The following CTNNA2 variants were observed in gnomAD, a reference collection of about 807,000 sequenced individuals.
CTNNA2 encodes catenin alpha 2.
In CTNNA2, 42 loss-of-function variants were observed where a neutral mutation model predicts 101.0. The ratio of observed to expected loss-of-function variants is 0.42; its 90% CI spans 0.32 to 0.54. The LOEUF is 0.54. Ranked by LOEUF, CTNNA2 falls within the 20% of genes least tolerant of loss-of-function variation. The pLI is 0.14. For synonymous variants in CTNNA2, 450 were observed against 456.4 expected (o/e 0.99, Z 0.18); for missense variants, 871 against 1,223.1 (o/e 0.71, Z 4.29).
chr2:79,881,074 C>T (rs1409175574), intron 6 of CTNNA2, among the ~76,000 whole-genome samples: 1 of 152,096 alleles, frequency 6.6e-6, no homozygotes, highest in African/African-American at 2.4e-5. Flanking sequence ...ATTATTTACC[C>T]AGGAGTCACT....
chr2:79,195,444 C>G (rs946077920), intron 1 of CTNNA2, among the ~76,000 whole-genome samples: 2 of 152,174 alleles, frequency 1.3e-5, no homozygotes, highest in African/African-American at 2.4e-5. Context: ...AAGCTTGTCT[C>G]TGGTAGTCTT....
In CTNNA2 at chr2:79,200,323, G is replaced by A. The variant is rs148559869; in HGVS notation, c.-406+2247G>A. 6.0e-3 allele frequency among the ~76,000 whole-genome samples: 908 copies of A among 151,740 alleles called. 4 individuals are homozygous for A. The highest frequency in any genetic ancestry group is 0.021 in the African/African-American group (864 of 41,304). ...CGCTTGAACCTGGAAGGAAGAGGTTGCAGTGAGCCGAGATTGCGCCACTGC... is the reference window on the plus strand; with the variant it reads ...CGCTTGAACCTGGAAGGAAGAGGTTACAGTGAGCCGAGATTGCGCCACTGC... On this transcript the variant is annotated intron_variant, in intron 2 of 21. Coordinates refer to the CTNNA2 transcript ENST00000466387.
chr2:79,325,687 C>T (rs1009830233), intron 3 of CTNNA2, among the ~76,000 whole-genome samples: 5 of 152,182 alleles, frequency 3.3e-5, no homozygotes, highest in African/African-American at 7.2e-5. Context: ...AGCAGCATCA[C>T]CTTCTCCATC....
chr2:79,269,892 T>C (rs995956007), intron 2 of CTNNA2, among the ~76,000 whole-genome samples: 3 of 152,160 alleles, frequency 2.0e-5, no homozygotes, highest in Admixed American at 6.5e-5. Flanking sequence ...TGAAATGCTG[T>C]CAGAGAGATA....
At chr2:80,434,569 C>T (rs1190185296) in intron 9 of CTNNA2, among the ~76,000 whole-genome samples, 2 of 140,734 alleles carry the variant, frequency 1.4e-5, no homozygotes, top group Admixed American at 7.6e-5. Flanking sequence ...GATCATGGCT[C>T]ACTGCAGCAT....
intron 7 of CTNNA2, among the ~76,000 whole-genome samples, chr2:80,050,641 C>A (rs574920643): frequency 6.6e-6 from 1 of 152,250 alleles, no homozygotes; most frequent in South Asian, 2.1e-4. Flanking sequence ...ATCATAGTGA[C>A]CCTGATGAGT....
In CTNNA2 at chr2:79,894,985, A is replaced by G. The variant is rs1466092561; in HGVS notation, c.853-14609A>G. On this transcript the variant is annotated intron_variant, in intron 6 of 18. Coordinates refer to ENST00000402739, the MANE Select transcript of CTNNA2 (RefSeq NM_001282597.3). ...CTTCTGGAATGTTGGTATATGCCAT[A>G]CCAATCACAATAGATAGCCCATGGC... 2.6e-5 allele frequency among the ~76,000 whole-genome samples: 4 copies of G among 152,344 alleles called. No individual in the cohort carries two copies. The East Asian group carries it at 5.8e-4, about 22-fold the overall frequency.
intron 4 of CTNNA2, among the ~76,000 whole-genome samples, chr2:79,468,320 A>T (rs1452929194): frequency 6.6e-6 from 1 of 152,216 alleles, no homozygotes; most frequent in African/African-American, 2.4e-5. Context: ...ATTCAACAAG[A>T]AGAGCTAACT....
chr2:80,211,157 T>C (rs1707864925), intron 7 of CTNNA2, among the ~76,000 whole-genome samples: 1 of 152,230 alleles, frequency 6.6e-6, no homozygotes, highest in South Asian at 2.1e-4. Flanking sequence ...TTTCTCCCAT[T>C]GTGTAGGTTG....
At chr2:79,476,756 T>C (rs182317361) in intron 4 of CTNNA2, among the ~76,000 whole-genome samples, 2 of 152,338 alleles carry the variant, frequency 1.3e-5, no homozygotes, top group East Asian at 3.9e-4. Flanking sequence ...TTCTTTGTCT[T>C]ACCTGTGACA....
chr2:79,315,407 C>T (rs1057168808), intron 3 of CTNNA2, among the ~76,000 whole-genome samples: 4 of 152,136 alleles, frequency 2.6e-5, no homozygotes, highest in African/African-American at 9.7e-5. Context: ...GTTATTTCTC[C>T]TCATCTTTAT....
chr2:80,616,522 T>C (rs996086255), intron 17 of CTNNA2: 7 of 151,718 alleles, frequency 4.6e-5, no homozygotes, highest in African/African-American at 1.7e-4. Flanking sequence ...CTAAACAACT[T>C]TTTATTAACC....
At position 79,721,229 on chromosome 2, in the gene CTNNA2, G is replaced by C. The variant is rs192646484; in HGVS notation, c.103-23158G>C. Among the ~76,000 whole-genome samples the C allele has an allele frequency of 1.1e-4, 17 of 152,196 alleles. No individual in the cohort carries two copies. In the East Asian group the frequency reaches 3.3e-3, roughly 29 times the overall value. ...GCTATAACAGAGTATCACAGACTGG[G>C]TAATTTATAAAGAAAGTAAATGTAT... is the stretch of plus-strand genomic sequence containing the variant. On this transcript the variant is annotated intron_variant, in intron 2 of 18. Transcript: ENST00000402739.
Position 79,704,666 on chromosome 2 carries a change from C to A in CTNNA2, c.103-39721C>A, listed in dbSNP as rs377400650. Among the ~76,000 whole-genome samples, 1,170 of 151,456 alleles carry A rather than the reference C, an allele frequency of 7.7e-3. 22 individuals are homozygous for A. Among genetic ancestry groups the A allele is most frequent in the African/African-American group, 0.027 (1,105 of 40,824 alleles). ...TAGCTGGGACTACAGGCACCCGCCA[C>A]CACGCCTGGCTAATTTTTTTGTATT... On this transcript the variant is annotated intron_variant, in intron 2 of 18. Transcript: ENST00000402739.
chr2:79,949,137 A>G (rs1688706969), intron 7 of CTNNA2, among the ~76,000 whole-genome samples: 1 of 152,172 alleles, frequency 6.6e-6, no homozygotes, highest in African/African-American at 2.4e-5. Flanking sequence ...GATGCATTTG[A>G]AAGAAACAGT....
intron 7 of CTNNA2, among the ~76,000 whole-genome samples, chr2:80,349,463 A>G (rs1673082015): frequency 6.6e-6 from 1 of 152,158 alleles, no homozygotes; most frequent in Non-Finnish European, 1.5e-5. Context: ...AGATCCTGGT[A>G]GGGGAGTTCT....
chr2:79,304,604 G>A lies in CTNNA2; in HGVS notation c.-405-8105G>A, dbSNP rs553473347. On this transcript the variant is annotated intron_variant, in intron 2 of 21. Coordinates refer to the CTNNA2 transcript ENST00000466387. ...GATTAAGCGTACCTCATAGAATGAG[G>A]GAAAAGATCTCCCTCAATGGTTCTT... 5.9e-5 allele frequency among the ~76,000 whole-genome samples: 9 copies of A among 152,252 alleles called. 1 individual carries two copies. Among genetic ancestry groups the A allele is most frequent in the African/African-American group, 2.2e-4 (9 of 41,542 alleles).
chr2:80,101,452 A>G (rs1410599477), intron 7 of CTNNA2, among the ~76,000 whole-genome samples: 1 of 152,036 alleles, frequency 6.6e-6, no homozygotes, highest in East Asian at 1.9e-4. Context: ...ACTTGAGCTG[A>G]TTCTTTTTTA....
At chr2:80,251,386 A>G (rs560459476) in intron 7 of CTNNA2, among the ~76,000 whole-genome samples, 1 of 152,260 alleles carries the variant, frequency 6.6e-6, no homozygotes, top group South Asian at 2.1e-4. Context: ...TTGGTGTTCT[A>G]CCACTGCAAT....
Sources: gnomAD v4.1 joint callset for allele counts (sites outside exome capture counted in the v4.1 genomes callset) on GRCh38, gnomAD v4.1.1 for gene constraint, MANE v1.5 for transcripts, NCBI Gene and HGNC (gene_info 2026-07-23, HGNC 2026-07-21) for gene names.